Variants in NECTIN1 observed in about 807,000 individuals in gnomAD.
The protein encoded by NECTIN1 is nectin-1.
In NECTIN1, 23 loss-of-function variants were observed where a neutral mutation model predicts 48.0. The ratio of observed to expected loss-of-function variants is 0.48; its 90% CI spans 0.34 to 0.68. The LOEUF is 0.68. Ranked by LOEUF, NECTIN1 falls within the 30% of genes least tolerant of loss-of-function variation. The pLI is 0.01. For missense variants in NECTIN1, 591 were observed against 709.9 expected, an observed-to-expected ratio of 0.83 and a Z score of 1.90; for synonymous variants, 270 against 288.9, an observed-to-expected ratio of 0.93 and a Z score of 0.66.
At chr11:119,714,965 G>A (rs530633950) in intron 1 of NECTIN1, among the ~76,000 whole-genome samples, 16 of 152,196 alleles carry the variant, frequency 1.1e-4, no homozygotes, top group South Asian at 1.0e-3. Flanking sequence ...GAGGTGAGAC[G>A]GGGGCCGAGG....
chr11:119,670,755 T>C, intron 5 of NECTIN1, among the ~76,000 whole-genome samples: 1 of 149,696 alleles, frequency 6.7e-6, no homozygotes, highest in South Asian at 2.2e-4. Context: ...CAAGCAATTC[T>C]TGTGCCTCAG....
At chr11:119,724,364 G>A (rs983642689) in intron 1 of NECTIN1, among the ~76,000 whole-genome samples, 1 of 152,112 alleles carries the variant, frequency 6.6e-6, no homozygotes, top group Admixed American at 6.5e-5. Flanking sequence ...GACAAGAGAG[G>A]AATATCTCTC....
Position 119,677,911 on chromosome 11 carries a change from G to T in NECTIN1, c.431-54C>A. On this transcript the variant is annotated intron_variant, in intron 2 of 5. Transcript: ENST00000264025. The surrounding 1 kb of genome is among the most constrained non-coding windows in gnomAD (Gnocchi z 5.4). ...CTAGCCCTGTTGACTTGTCCAAGATGCACCGGCCAAAAGGGCGTGGCATCC... is the reference window on the plus strand; with the variant it reads ...CTAGCCCTGTTGACTTGTCCAAGATTCACCGGCCAAAAGGGCGTGGCATCC... The T allele has an allele frequency of 6.4e-7, 1 of 1,574,510 alleles. No homozygotes were observed.
At chr11:119,716,652 G>C (rs573016462) in intron 1 of NECTIN1, among the ~76,000 whole-genome samples, 9 of 152,186 alleles carry the variant, frequency 5.9e-5, no homozygotes, top group Non-Finnish European at 1.2e-4. Flanking sequence ...ACTGACCTTC[G>C]CCGGTTCTCT....
intron 5 of NECTIN1, among the ~76,000 whole-genome samples, chr11:119,668,020 T>C (rs1864803608): frequency 6.6e-6 from 1 of 152,164 alleles, no homozygotes; most frequent in Non-Finnish European, 1.5e-5. Context: ...ACACGTCAAA[T>C]GCCATGTTTC....
At chr11:119,686,276 C>G (rs1212607894) in intron 1 of NECTIN1, among the ~76,000 whole-genome samples, 2 of 152,210 alleles carry the variant, frequency 1.3e-5, no homozygotes, top group African/African-American at 4.8e-5. Context: ...GTCTCCCTTT[C>G]TTATTTTCTC....
intron 1 of NECTIN1, among the ~76,000 whole-genome samples, chr11:119,725,211 C>T (rs550064451): frequency 6.6e-5 from 10 of 152,258 alleles, no homozygotes; most frequent in Non-Finnish European, 1.5e-4. Context: ...GGGTTCTGGC[C>T]GGCTCAACCA....
downstream of NECTIN1, among the ~76,000 whole-genome samples, chr11:119,657,886 A>G (rs1864600621): frequency 7.3e-6 from 1 of 136,248 alleles, no homozygotes; most frequent in South Asian, 2.3e-4. Flanking sequence ...GTGCCACTGC[A>G]CTCCAGCCTG....
In NECTIN1 at chr11:119,677,263, G is replaced by A. The variant is rs200764729; in HGVS notation, c.734-44C>T. Reference sequence around the variant, plus strand: ...TTGAAGAGGGTGAGGTCAGGAGAGCGGGACTTAGAACAAGGGAACTTCAGC... The same window carrying A: ...TTGAAGAGGGTGAGGTCAGGAGAGCAGGACTTAGAACAAGGGAACTTCAGC... On this transcript the variant is annotated intron_variant, in intron 3 of 5. Transcript: ENST00000264025. The surrounding 1 kb of genome is among the most constrained non-coding windows in gnomAD (Gnocchi z 5.4). 1.0e-3 allele frequency: 1,557 copies of A among 1,534,526 alleles called. 13 individuals are homozygous for A. In the Middle Eastern group the frequency reaches 0.025, roughly 24 times the overall value.
At chr11:119,659,844 A>ACGCATT (rs1170022328), downstream of NECTIN1, among the ~76,000 whole-genome samples, 6 of 152,274 alleles carry the variant, frequency 3.9e-5, no homozygotes, top group Non-Finnish European at 7.3e-5. Context: ...TAATGTAATT[A>ACGCATT]CGCATTTATT....
rs76422555 is a variant in NECTIN1 at position 119,682,900 on chromosome 11, G to A, written c.80-4135C>T. On this transcript the variant is annotated intron_variant, in intron 1 of 5. Transcript: ENST00000264025. ...CCTCTTCCAGGACGCCCTTGTGACTGTCATCTCTTCCTACTCAGCTGACAG... is the reference window on the plus strand; with the variant it reads ...CCTCTTCCAGGACGCCCTTGTGACTATCATCTCTTCCTACTCAGCTGACAG... 3.7e-3 allele frequency among the ~76,000 whole-genome samples: 570 copies of A among 152,300 alleles called. 6 individuals are homozygous for A. In the East Asian group the frequency reaches 0.048, roughly 13 times the overall value.
intron 1 of NECTIN1, among the ~76,000 whole-genome samples, chr11:119,694,785 C>T (rs7950059): frequency 0.51 from 77,943 of 151,922 alleles, 21,512 homozygotes; most frequent in African/African-American, 0.72. Context: ...CAATGATACC[C>T]CTGTGCTGAG....
chr11:119,726,675 A>G (rs1289587107), intron 1 of NECTIN1, among the ~76,000 whole-genome samples: 1 of 152,200 alleles, frequency 6.6e-6, no homozygotes, highest in Non-Finnish European at 1.5e-5. Context: ...AGCTGGGGAA[A>G]GAGAATAACA....
Position 119,663,143 on chromosome 11 carries a change from C to T in NECTIN1, c.*1604G>A. 2.0e-6 allele frequency: 2 copies of T among 985,544 alleles called. No individual in the cohort carries two copies. Among genetic ancestry groups the T allele is most frequent in the Non-Finnish European group, 2.4e-6 (2 of 829,990 alleles). 61.0% of individuals were successfully genotyped at this position (985,544 alleles called of 1,614,324 possible). On this transcript the variant is annotated 3_prime_UTR_variant, in exon 6 of 6. Coordinates refer to ENST00000264025, the MANE Select transcript of NECTIN1 (RefSeq NM_002855.5). ...ACTTGCCATCCTGCAGAGCCCCTGA[C>T]ACCCTGGGGTGAGTTAACTGGAATC...
At chr11:119,657,468 A>T (rs1051194927), downstream of NECTIN1, among the ~76,000 whole-genome samples, 1 of 152,022 alleles carries the variant, frequency 6.6e-6, no homozygotes, top group Non-Finnish European at 1.5e-5. Flanking sequence ...ACAAAAAATT[A>T]GCTGGGCGTG....
rs779556779 is a variant in NECTIN1 at position 119,638,181 on chromosome 11, G to A, written c.1294C>T (p.Gln432Ter). The change falls in exon 8 of 8, where the codon CAG becomes TAG. Residue 432 changes from glutamine (Q) to a stop codon, truncating the protein, a stop_gained. Transcript: ENST00000341398. LOFTEE classifies it low-confidence loss of function (END_TRUNC). The stretch of plus-strand genomic sequence containing the variant: ...ACCCCCAGATCATAGTAGGGGGGCT[G>A]CAGGGACAGCTTCTGCAAGTCCTCC... 6.2e-7 allele frequency: 1 copy of A among 1,613,990 alleles called. No homozygotes were observed. The highest frequency in any genetic ancestry group is 1.7e-5 in the Admixed American group (1 of 60,018).
intron 1 of NECTIN1, among the ~76,000 whole-genome samples, chr11:119,724,227 C>G (rs576286724): frequency 2.0e-5 from 3 of 152,270 alleles, no homozygotes; most frequent in Non-Finnish European, 4.4e-5. Flanking sequence ...AAATTAGGAG[C>G]TGAAAAACTG....
At chr11:119,680,257 C>A (rs139310900) in intron 1 of NECTIN1, among the ~76,000 whole-genome samples, 1,938 of 152,292 alleles carry the variant, frequency 0.013, 20 homozygotes, top group Middle Eastern at 0.048. Context: ...CTAGGCTGTA[C>A]ACTCCAGCTC....
chr11:119,671,944 C>T (rs1294413490), intron 5 of NECTIN1, among the ~76,000 whole-genome samples: 9 of 152,254 alleles, frequency 5.9e-5, no homozygotes, highest in South Asian at 2.1e-4. Context: ...AGCATGCAGA[C>T]GGAGCCTGTT....
Sources: gnomAD v4.1 joint callset for allele counts (sites outside exome capture counted in the v4.1 genomes callset) on GRCh38, gnomAD v4.1.1 for gene constraint, Gnocchi (gnomAD v3.1) non-coding constraint, MANE v1.5 for transcripts, NCBI Gene and HGNC (gene_info 2026-07-23, HGNC 2026-07-21) for gene names.